The following LDAH variants were observed in gnomAD, a reference collection of about 807,000 sequenced individuals.
LDAH encodes lipid droplet-associated hydrolase.
Under a neutral mutation model 29.6 loss-of-function variants are expected in LDAH, and 26 were observed. The ratio of observed to expected loss-of-function variants is 0.88; its 90% CI spans 0.64 to 1.22. The LOEUF (loss-of-function observed/expected upper bound fraction) is 1.22, where lower values mean the gene tolerates loss of function less well. LDAH is among the 50% of genes most tolerant of loss of function. LDAH has a pLI of 0.00. For synonymous variants in LDAH, 117 were observed against 133.0 expected (o/e 0.88, Z 0.83); for missense variants, 344 against 387.3 (o/e 0.89, Z 0.94).
intron 6 of LDAH, among the ~76,000 whole-genome samples, chr2:20,700,873 G>A (rs1233882497): frequency 6.6e-6 from 1 of 152,054 alleles, no homozygotes; most frequent in Non-Finnish European, 1.5e-5. Flanking sequence ...TACACTTATG[G>A]CACAACTCAA....
At chr2:20,791,960 G>A (rs900897934) in intron 2 of LDAH, among the ~76,000 whole-genome samples, 1 of 151,792 alleles carries the variant, frequency 6.6e-6, no homozygotes, top group African/African-American at 2.4e-5. Flanking sequence ...TTTCTCCTCT[G>A]CCAGGACCAT....
At chr2:20,778,273 T>C (rs1354496357) in intron 3 of LDAH, among the ~76,000 whole-genome samples, 3 of 152,244 alleles carry the variant, frequency 2.0e-5, no homozygotes. Context: ...GACCCATCTC[T>C]ATTAGATATC....
At chr2:20,742,925 A>G (rs1667296502) in intron 4 of LDAH, among the ~76,000 whole-genome samples, 1 of 150,910 alleles carries the variant, frequency 6.6e-6, no homozygotes, top group Non-Finnish European at 1.5e-5. Flanking sequence ...ACGCCTGGCT[A>G]ATTTTTCAAA....
At chr2:20,782,884 C>T (rs533499469) in intron 3 of LDAH, among the ~76,000 whole-genome samples, 12 of 152,032 alleles carry the variant, frequency 7.9e-5, no homozygotes, top group Admixed American at 3.3e-4. Context: ...ATTGTTCTTT[C>T]TCTGGTGTCC....
rs554787223 is a variant in LDAH at position 20,786,866 on chromosome 2, G to A, written c.298+3389C>T. Among the ~76,000 whole-genome samples, 10 of 152,222 alleles carry A rather than the reference G, an allele frequency of 6.6e-5. No homozygotes were observed. The South Asian group carries it at 2.1e-3, about 32-fold the overall frequency. Reference sequence around the variant, plus strand: ...TCCCCCCAGGTTGGATAAAGCTCTGGAACTCTTTTTCCCTTGGAAAGTAAG... The same window carrying A: ...TCCCCCCAGGTTGGATAAAGCTCTGAAACTCTTTTTCCCTTGGAAAGTAAG... On this transcript the variant is annotated intron_variant, in intron 3 of 6. Transcript: ENST00000237822.
At chr2:20,783,733 A>C (rs1434214019) in intron 3 of LDAH, among the ~76,000 whole-genome samples, 1 of 152,216 alleles carries the variant, frequency 6.6e-6, no homozygotes, top group Non-Finnish European at 1.5e-5. Flanking sequence ...TGTTTTAAAG[A>C]CAAGATCTCA....
At chr2:20,709,563 T>C (rs954143077) in intron 5 of LDAH, among the ~76,000 whole-genome samples, 7 of 152,200 alleles carry the variant, frequency 4.6e-5, no homozygotes, top group African/African-American at 1.4e-4. Context: ...GTTAGAATTA[T>C]AAACTGGTAC....
intron 1 of LDAH, among the ~76,000 whole-genome samples, chr2:20,802,072 A>G (rs1220725954): frequency 6.6e-6 from 1 of 151,042 alleles, no homozygotes; most frequent in Non-Finnish European, 1.5e-5. Flanking sequence ...CACAATATAC[A>G]TGTATATATA....
rs568334949 is a variant in LDAH, at chr2:20,765,741, G to C, written c.468+9069C>G. ...ATGATCCTCCTACGTAGCTAGCTTG[G>C]GCTTCTCTCAGCCTCGTGGTCTCAG... On this transcript the variant is annotated intron_variant, in intron 4 of 6. Transcript: ENST00000237822. 2.6e-5 allele frequency among the ~76,000 whole-genome samples: 4 copies of C among 152,170 alleles called. No homozygotes were observed. In the East Asian group the frequency reaches 7.7e-4, roughly 29 times the overall value.
intron 5 of LDAH, among the ~76,000 whole-genome samples, chr2:20,712,502 C>T (rs747271987): frequency 2.3e-4 from 35 of 152,130 alleles, no homozygotes; most frequent in Non-Finnish European, 1.5e-4. Context: ...TGCAGCTCCT[C>T]GCCAGCAATG....
At chr2:20,788,977 G>A in intron 3 of LDAH, 2 of 687,660 alleles carry the variant, frequency 2.9e-6, no homozygotes, top group Non-Finnish European at 4.8e-6. Flanking sequence ...AAACCTTCCA[G>A]CATGGAGTCC....
At chr2:20,710,606 G>GTGTATATATATATATCTA (rs1467950593) in intron 5 of LDAH, among the ~76,000 whole-genome samples, 1 of 131,874 alleles carries the variant, frequency 7.6e-6, no homozygotes. Context: ...GTGTGTGTGT[G>GTGTATATATATATATCTA]TATATATATA....
chr2:20,807,119 T>C (rs1672117582), intron 1 of LDAH, among the ~76,000 whole-genome samples: 1 of 151,808 alleles, frequency 6.6e-6, no homozygotes, highest in South Asian at 2.1e-4. Context: ...CATCAAAAAA[T>C]AATAAACAAA....
intron 5 of LDAH, among the ~76,000 whole-genome samples, chr2:20,737,068 G>T (rs1666841113): frequency 6.6e-6 from 1 of 152,144 alleles, no homozygotes; most frequent in African/African-American, 2.4e-5. Context: ...TTGGGCTAGA[G>T]AGAGTAGGCT....
At chr2:20,746,466 C>T (rs1437406) in intron 4 of LDAH, among the ~76,000 whole-genome samples, 32,369 of 151,978 alleles carry the variant, frequency 0.21, 3,717 homozygotes, top group African/African-American at 0.29. Flanking sequence ...ACATTGAATG[C>T]GTCACTGCCT....
intron 6 of LDAH, among the ~76,000 whole-genome samples, chr2:20,694,542 T>C (rs1663282306): frequency 6.6e-6 from 1 of 152,230 alleles, no homozygotes; most frequent in South Asian, 2.1e-4. Context: ...AGTTACCTTG[T>C]TTCCTCTCTT....
chr2:20,801,500 G>A, intron 1 of LDAH, 35 bp from the exon 2 acceptor site: 1 of 1,573,502 alleles, frequency 6.4e-7, no homozygotes, highest in Non-Finnish European at 8.7e-7. Flanking sequence ...TGAAGAGTCA[G>A]TAAAATGTAA....
chr2:20,746,788 T>C (rs1667599850), intron 4 of LDAH, among the ~76,000 whole-genome samples: 1 of 152,172 alleles, frequency 6.6e-6, no homozygotes, highest in African/African-American at 2.4e-5. Flanking sequence ...CTTATGTTAC[T>C]ATCTCATTAA....
chr2:20,754,626 G>C lies in LDAH; in HGVS notation c.469-14421C>G, dbSNP rs143748929. On this transcript the variant is annotated intron_variant, in intron 4 of 6. Coordinates refer to ENST00000237822, the MANE Select transcript of LDAH (RefSeq NM_021925.4). ...CCAATGATGAGCAGCTGGATGTCATGTGCCTGCAGGTGACCTACTCTGAGA... is the reference window on the plus strand; with the variant it reads ...CCAATGATGAGCAGCTGGATGTCATCTGCCTGCAGGTGACCTACTCTGAGA... 1.7e-4 allele frequency among the ~76,000 whole-genome samples: 26 copies of C among 152,088 alleles called. No homozygotes were observed. In the East Asian group the frequency reaches 4.4e-3, roughly 26 times the overall value.
Sources: allele counts gnomAD v4.1 joint callset (sites outside exome capture counted in the v4.1 genomes callset), GRCh38; gene constraint gnomAD v4.1.1; transcripts MANE v1.5; gene names NCBI Gene and HGNC (gene_info 2026-07-23, HGNC 2026-07-21).